The following NIN variants were observed in gnomAD, a reference collection of about 807,000 sequenced individuals.
The protein encoded by NIN is glycogen synthase kinase 3 beta-interacting protein.
Under a neutral mutation model 257.6 loss-of-function variants are expected in NIN, and 137 were observed. The ratio of observed to expected loss-of-function variants is 0.53; its 90% CI spans 0.46 to 0.61. The LOEUF (loss-of-function observed/expected upper bound fraction) is 0.61, where lower values mean the gene tolerates loss of function less well. NIN is among the 20% of genes least tolerant of loss of function. The pLI is 0.00. For synonymous variants in NIN, 918 were observed against 919.8 expected, an observed-to-expected ratio of 1.00 and a Z score of 0.04; for missense variants, 2,439 against 2,501.2, an observed-to-expected ratio of 0.98 and a Z score of 0.53.
intron 28 of NIN, chr14:50,730,820 C>CT (rs771064608): frequency 2.2e-6 from 2 of 895,480 alleles, no homozygotes; most frequent in Admixed American, 3.5e-5. Context: ...TGGCTCTTTC[C>CT]TTAAGTACTT....
chr14:50,771,526 A>G (rs1485426577), intron 9 of NIN, 58 bp from the exon 10 acceptor site: 2 of 1,588,002 alleles, frequency 1.3e-6, no homozygotes, highest in Non-Finnish European at 1.7e-6. Context: ...ATCCTCTGAA[A>G]GCAGAAAATG....
intron 5 of NIN, among the ~76,000 whole-genome samples, chr14:50,789,313 G>A (rs1005092767): frequency 2.6e-5 from 4 of 152,200 alleles, no homozygotes; most frequent in East Asian, 1.9e-4. Flanking sequence ...GGTGGCTCAC[G>A]CCTGTAATCC....
At chr14:50,818,821 A>T (rs187487903) in intron 3 of NIN, among the ~76,000 whole-genome samples, 236 of 152,278 alleles carry the variant, frequency 1.5e-3, no homozygotes, top group Non-Finnish European at 2.6e-3. Flanking sequence ...GGGGAAAATG[A>T]CCTATTGGTA....
intron 7 of NIN, among the ~76,000 whole-genome samples, chr14:50,773,936 A>G (rs768652234): frequency 6.6e-6 from 1 of 152,194 alleles, no homozygotes; most frequent in African/African-American, 2.4e-5. Context: ...CCACAGAACG[A>G]GGAGGAAAGG....
chr14:50,758,547 C>T lies in NIN; in HGVS notation c.2483G>A (p.Arg828Lys), dbSNP rs1566814317. 1.2e-6 allele frequency: 2 copies of T among 1,613,530 alleles called. No individual in the cohort carries two copies. Among genetic ancestry groups the T allele is most frequent in the East Asian group, 2.2e-5 (1 of 44,878 alleles). Reference protein sequence around the residue: ...FQSDCQKVTERCESALQSLEG... With the variant: ...FQSDCQKVTEKCESALQSLEG... ...CAGGCTTTGCAGAGCGCTTTCACAC[C>T]TCTCAGTGACTTTCTGACAATCAGA... The change falls in exon 18 of 31, where the codon AGG (arginine) becomes AAG (lysine). Residue 828 changes from arginine to lysine, a missense_variant. Transcript: ENST00000530997.
intron 5 of NIN, among the ~76,000 whole-genome samples, chr14:50,783,773 A>G (rs1449163025): frequency 6.6e-6 from 1 of 152,154 alleles, no homozygotes; most frequent in Non-Finnish European, 1.5e-5. Flanking sequence ...TTAGAAGGCT[A>G]GGGGGATTAA....
At chr14:50,741,280 CT>C (rs1282417446) in intron 25 of NIN, among the ~76,000 whole-genome samples, 1 of 152,034 alleles carries the variant, frequency 6.6e-6, no homozygotes, top group Non-Finnish European at 1.5e-5. Flanking sequence ...AAAAAAAGAC[CT>C]GTTTTATATC....
intron 20 of NIN, among the ~76,000 whole-genome samples, chr14:50,754,218 T>C (rs1164563474): frequency 6.6e-6 from 1 of 152,192 alleles, no homozygotes; most frequent in Non-Finnish European, 1.5e-5. Flanking sequence ...CTGCTTTCAA[T>C]CATGGTGAGG....
At chr14:50,760,511 A>G (rs956264531) in intron 16 of NIN, 152 bp from the exon 17 acceptor site, 9 of 828,978 alleles carry the variant, frequency 1.1e-5, no homozygotes, top group East Asian at 2.7e-5. Flanking sequence ...ACTGAATTCA[A>G]CACTTTAAGC....
chr14:50,757,552 T>C lies in NIN; in HGVS notation c.3478A>G (p.Thr1160Ala), dbSNP rs189074409. Residue 1160 changes from threonine to alanine, a missense_variant, in exon 18 of 31, where the codon ACG becomes GCG. Transcript: ENST00000530997. ...DEVRDLGSTG[T>A]SSVQRQEVKI... ...ACTTCCTGTCTCTGAACAGAGCTCG[T>C]CCCTGTACTTCCCAGGTCCCGGACC... 1.2e-6 allele frequency: 2 copies of C among 1,614,120 alleles called. No individual in the cohort carries two copies.
At position 50,786,007 on chromosome 14, in the gene NIN, G is replaced by C. The variant is rs527796961; in HGVS notation, c.435+6705C>G. Among the ~76,000 whole-genome samples the C allele has an allele frequency of 2.0e-5, 3 of 152,268 alleles. No individual in the cohort carries two copies. In the East Asian group the frequency reaches 5.8e-4, roughly 29 times the overall value. On this transcript the variant is annotated intron_variant, in intron 5 of 30. Coordinates refer to ENST00000530997, the MANE Select transcript of NIN (RefSeq NM_020921.4). ...AATTAAGTGCTACAAGTGCATGCGG[G>C]GGATGACAGGAATTAACACGATTTT...
intron 3 of NIN, among the ~76,000 whole-genome samples, chr14:50,811,544 C>CTTTTTTTTTTTTTTTTTTT (rs55734117): frequency 1.3e-5 from 1 of 75,276 alleles, no homozygotes; most frequent in Admixed American, 1.8e-4. Context: ...AATGGTCAAG[C>CTTTTTTTTTTTTTTTTTTT]TTTTTTTTTT....
chr14:50,743,654 G>A (rs185262650), intron 23 of NIN, 125 bp from the exon 24 acceptor site: 3 of 588,154 alleles, frequency 5.1e-6, no homozygotes, highest in Admixed American at 2.6e-5. Flanking sequence ...AGCAGGGCAA[G>A]GTCAAAGGAA....
intron 9 of NIN, 188 bp downstream of exon 9, chr14:50,772,113 C>T (rs1239106025): frequency 2.0e-5 from 10 of 502,104 alleles, no homozygotes; most frequent in South Asian, 3.6e-5. Context: ...GTTAAAAACA[C>T]GGAAAGTACT....
chr14:50,778,237 G>A (rs756322786), intron 6 of NIN, among the ~76,000 whole-genome samples: 16 of 152,102 alleles, frequency 1.1e-4, no homozygotes, highest in Non-Finnish European at 1.9e-4. Context: ...GAGTGCAGTG[G>A]CACAATCACG....
rs1481303676 is a variant in NIN, at chr14:50,773,051, C to T, written c.711G>A (p.Met237Ile). 2 of 1,612,974 alleles carry T rather than the reference C, an allele frequency of 1.2e-6. No individual in the cohort carries two copies. Among genetic ancestry groups the T allele is most frequent in the East Asian group, 2.2e-5 (1 of 44,834 alleles). The stretch of plus-strand genomic sequence containing the variant: ...AACCATAGAAAAAATCTTCTACACT[C>T]ATTGTACCGTCAGGATCAAGATTAT... ...VFHNLDPDGT[M>I]SVEDFFYGLF... The change falls in exon 8 of 31, where the codon ATG (methionine) becomes ATA (isoleucine). Residue 237 changes from methionine (M) to isoleucine (I), a missense_variant. Physicochemically the swap from Met to Ile is conservative, Grantham distance 10 (BLOSUM62 1). Transcript: ENST00000530997.
At chr14:50,755,677 TTA>T (rs1240196202) in intron 18 of NIN, among the ~76,000 whole-genome samples, 850 of 28,514 alleles carry the variant, frequency 0.03, 80 homozygotes, top group African/African-American at 0.077. Context: ...TTTTTTTTTT[TTA>T]AAAGAGACAG....
At position 50,736,131 on chromosome 14, in the gene NIN, C is replaced by T. The variant is rs78220731; in HGVS notation, c.5776-514G>A. 5.8e-3 allele frequency among the ~76,000 whole-genome samples: 876 copies of T among 151,970 alleles called. 13 individuals are homozygous for T. Among genetic ancestry groups the T allele is most frequent in the African/African-American group, 0.02 (835 of 41,458 alleles). On this transcript the variant is annotated intron_variant, in intron 27 of 30. Coordinates refer to ENST00000530997, the MANE Select transcript of NIN (RefSeq NM_020921.4). ...TATAACTTTTTAATTTTAAAGATTT[C>T]GTGAGTACCTTTTTTTTTTGAGACA...
chr14:50,766,400 G>A lies in NIN; in HGVS notation c.1546-4C>T. ...TGCTAGGATCGAGGTCACCAAACTA[G>A]AAGGGGAAAAGGGCAAAGCTGTCAT... is the stretch of plus-strand genomic sequence containing the variant. On this transcript the variant is annotated splice_polypyrimidine_tract_variant and splice_region_variant and intron_variant, in intron 13 of 30. Transcript: ENST00000530997. 2 of 1,613,912 alleles carry A rather than the reference G, an allele frequency of 1.2e-6. No individual in the cohort carries two copies. The highest frequency in any genetic ancestry group is 1.1e-5 in the South Asian group (1 of 91,078).
Sources: gnomAD v4.1 joint callset for allele counts (sites outside exome capture counted in the v4.1 genomes callset) on GRCh38, gnomAD v4.1.1 for gene constraint, MANE v1.5 for transcripts, NCBI Gene and HGNC (gene_info 2026-07-23, HGNC 2026-07-21) for gene names.